Variants in TMEM132C observed in about 807,000 individuals in gnomAD.
TMEM132C encodes transmembrane protein 132C, also known as protein phosphatase 1, regulatory subunit 152.
Under a neutral mutation model 61.4 loss-of-function variants are expected in TMEM132C, and 29 were observed. The ratio of observed to expected loss-of-function variants is 0.47; its 90% CI spans 0.35 to 0.64. The LOEUF is 0.64. Ranked by LOEUF, TMEM132C falls within the 30% of genes least tolerant of loss-of-function variation. TMEM132C has a pLI of 0.00. For synonymous variants in TMEM132C, 656 were observed against 633.1 expected, an observed-to-expected ratio of 1.04 and a Z score of -0.54; for missense variants, 1,408 against 1,476.9, an observed-to-expected ratio of 0.95 and a Z score of 0.76.
At position 128,444,742 on chromosome 12, in the gene TMEM132C, T is replaced by A. The variant is rs368367282; in HGVS notation, c.974+29122T>A. On this transcript the variant is annotated intron_variant, in intron 2 of 8. Coordinates refer to ENST00000435159, the MANE Select transcript of TMEM132C (RefSeq NM_001136103.3). ...TTGTTCTGAGCAAAGACTCAGCAAG[T>A]CTTGCGTGGCCCCACGTCCTTGGCG... Among the ~76,000 whole-genome samples, 7 of 152,194 alleles carry A rather than the reference T, an allele frequency of 4.6e-5. No homozygotes were observed. In the East Asian group the frequency reaches 7.7e-4, roughly 17 times the overall value.
At chr12:128,485,397 G>A (rs1309743692) in intron 2 of TMEM132C, among the ~76,000 whole-genome samples, 2 of 152,064 alleles carry the variant, frequency 1.3e-5, no homozygotes, top group East Asian at 1.9e-4. Flanking sequence ...GGCTGGTCTC[G>A]AACTCCTGAC....
At chr12:128,349,063 G>A (rs1873257409) in intron 1 of TMEM132C, among the ~76,000 whole-genome samples, 1 of 152,200 alleles carries the variant, frequency 6.6e-6, no homozygotes. Flanking sequence ...GAGTGCAGTG[G>A]CACAACCTGG....
At chr12:128,355,985 T>C (rs1379460857) in intron 1 of TMEM132C, among the ~76,000 whole-genome samples, 3 of 152,184 alleles carry the variant, frequency 2.0e-5, no homozygotes, top group Non-Finnish European at 4.4e-5. Flanking sequence ...GCAGGTCATC[T>C]CTGTGTGGTT....
intron 2 of TMEM132C, among the ~76,000 whole-genome samples, chr12:128,464,329 G>T (rs1373609882): frequency 2.6e-5 from 4 of 152,152 alleles, no homozygotes; most frequent in African/African-American, 4.8e-5. Context: ...ACTACAGTTG[G>T]CCCTCCCCAC....
intron 4 of TMEM132C, among the ~76,000 whole-genome samples, chr12:128,665,845 G>T (rs1389592462): frequency 1.1e-5 from 1 of 92,564 alleles, no homozygotes; most frequent in African/African-American, 4.5e-5. Context: ...ACAAACACAG[G>T]CACACACACA....
At chr12:128,294,206 G>GGAAGGTGTCC (rs1871333437) in intron 1 of TMEM132C, 2 of 154,566 alleles carry the variant, frequency 1.3e-5, no homozygotes, top group South Asian at 4.1e-4. Flanking sequence ...ACCGCCCATG[G>GGAAGGTGTCC]GAAGGTGTCC....
intron 1 of TMEM132C, among the ~76,000 whole-genome samples, chr12:128,383,151 T>A (rs1028387965): frequency 6.6e-6 from 1 of 152,190 alleles, no homozygotes; most frequent in East Asian, 1.9e-4. Flanking sequence ...TGCCTGTATG[T>A]GTGTGCACCT....
chr12:128,656,972 G>A (rs1288860324), intron 4 of TMEM132C, among the ~76,000 whole-genome samples: 2 of 152,258 alleles, frequency 1.3e-5, no homozygotes, highest in Middle Eastern at 3.4e-3. Flanking sequence ...TTGTGTTGCT[G>A]CACAGACACC....
Position 128,594,917 on chromosome 12 carries a change from C to T in TMEM132C, c.1122-21235C>T, listed in dbSNP as rs114984265. On this transcript the variant is annotated intron_variant, in intron 3 of 8. Transcript: ENST00000435159. ...TCGGATTGCTTCAGTAGAACAGCTA[C>T]GGCCTCAGTGCCTGTGATTTGAAAA... Among the ~76,000 whole-genome samples the T allele has an allele frequency of 4.7e-3, 711 of 152,344 alleles. 6 individuals carry two copies. Among genetic ancestry groups the T allele is most frequent in the African/African-American group, 0.016 (672 of 41,582 alleles).
chr12:128,558,545 C>A (rs1477707693), intron 3 of TMEM132C, among the ~76,000 whole-genome samples: 1 of 152,238 alleles, frequency 6.6e-6, no homozygotes, highest in Non-Finnish European at 1.5e-5. Flanking sequence ...GTCAATTAAA[C>A]CTCTGTCCTT....
At chr12:128,366,463 C>T (rs576309728) in intron 1 of TMEM132C, among the ~76,000 whole-genome samples, 11 of 152,266 alleles carry the variant, frequency 7.2e-5, no homozygotes, top group African/African-American at 2.2e-4. Flanking sequence ...CTCAGCTGGA[C>T]GCGGCTTCTT....
intron 1 of TMEM132C, among the ~76,000 whole-genome samples, chr12:128,303,122 C>T (rs1480528960): frequency 6.6e-6 from 1 of 152,140 alleles, no homozygotes; most frequent in Non-Finnish European, 1.5e-5. Flanking sequence ...GGTGCCAGAG[C>T]ATTAATGATG....
At chr12:128,631,409 C>T (rs1954063956) in intron 4 of TMEM132C, among the ~76,000 whole-genome samples, 1 of 152,234 alleles carries the variant, frequency 6.6e-6, no homozygotes, top group East Asian at 1.9e-4. Flanking sequence ...GGCCCCAGCC[C>T]TGCAGGGAGT....
intron 1 of TMEM132C, among the ~76,000 whole-genome samples, chr12:128,282,374 G>C (rs1870925883): frequency 1.3e-5 from 2 of 152,236 alleles, no homozygotes; most frequent in Non-Finnish European, 2.9e-5. Flanking sequence ...GGCTTGGGAG[G>C]CCTCAGGAAA....
At chr12:128,337,139 TTTC>T (rs1381684871) in intron 1 of TMEM132C, among the ~76,000 whole-genome samples, 5 of 151,622 alleles carry the variant, frequency 3.3e-5, no homozygotes, top group Non-Finnish European at 7.4e-5. Context: ...GGTGTGGGAG[TTTC>T]TTGTTTTCTT....
chr12:128,378,514 G>A (rs1874291827), intron 1 of TMEM132C, among the ~76,000 whole-genome samples: 1 of 152,152 alleles, frequency 6.6e-6, no homozygotes, highest in African/African-American at 2.4e-5. Context: ...TGCATTCGAT[G>A]CCACTCACAG....
At chr12:128,340,849 CTT>C in intron 1 of TMEM132C, among the ~76,000 whole-genome samples, 1 of 141,212 alleles carries the variant, frequency 7.1e-6, no homozygotes, top group Admixed American at 7.3e-5. Context: ...CTCTTTCTCT[CTT>C]TCTTTCTTCC....
At chr12:128,296,568 C>T (rs1871422454) in intron 1 of TMEM132C, among the ~76,000 whole-genome samples, 1 of 152,180 alleles carries the variant, frequency 6.6e-6, no homozygotes, top group South Asian at 2.1e-4. Context: ...TCTGTCTTTC[C>T]TCTCTGTCTT....
chr12:128,276,689 T>C (rs1870701170), intron 1 of TMEM132C, among the ~76,000 whole-genome samples: 1 of 152,212 alleles, frequency 6.6e-6, no homozygotes. Flanking sequence ...CCCATAATTA[T>C]GTTTACTTTT....
Sources: gnomAD v4.1 joint callset for allele counts (sites outside exome capture counted in the v4.1 genomes callset) on GRCh38, gnomAD v4.1.1 for gene constraint, MANE v1.5 for transcripts, NCBI Gene and HGNC (gene_info 2026-07-23, HGNC 2026-07-21) for gene names.